The following TMEM132D variants were observed in gnomAD, a reference collection of about 807,000 sequenced individuals.
TMEM132D encodes the protein transmembrane protein 132D, also known as mature OL transmembrane protein.
In TMEM132D, 21 loss-of-function variants were observed where a neutral mutation model predicts 62.3. The ratio of observed to expected loss-of-function variants is 0.34; its 90% CI spans 0.24 to 0.49. TMEM132D has a LOEUF of 0.49. TMEM132D is among the 20% of genes least tolerant of loss of function. The pLI, the probability that TMEM132D is intolerant of heterozygous loss-of-function variation, is 0.99. For missense variants in TMEM132D, 1,346 were observed against 1,402.8 expected (o/e 0.96, Z 0.65); for synonymous variants, 621 against 575.6 (o/e 1.08, Z -1.13).
At chr12:129,083,986 G>T (rs553270509) in intron 6 of TMEM132D, among the ~76,000 whole-genome samples, 1 of 152,184 alleles carries the variant, frequency 6.6e-6, no homozygotes. Context: ...GGACTGGAGC[G>T]CAGAGAGGCA....
intron 1 of TMEM132D, among the ~76,000 whole-genome samples, chr12:129,785,258 T>G (rs952215786): frequency 2.0e-5 from 3 of 152,078 alleles, no homozygotes; most frequent in Non-Finnish European, 4.4e-5. Context: ...ATCCTCAGCC[T>G]GATGTACTCC....
chr12:129,851,844 T>A (rs921068302), intron 1 of TMEM132D, among the ~76,000 whole-genome samples: 1 of 152,240 alleles, frequency 6.6e-6, no homozygotes, highest in Non-Finnish European at 1.5e-5. Flanking sequence ...CTGCCACCAA[T>A]GTATGAGTAT....
At chr12:129,659,426 AAC>A (rs1327551220) in intron 2 of TMEM132D, among the ~76,000 whole-genome samples, 1 of 152,206 alleles carries the variant, frequency 6.6e-6, no homozygotes, top group South Asian at 2.1e-4. Flanking sequence ...GAAAACAAAA[AAC>A]AGTCACTTTC....
intron 5 of TMEM132D, among the ~76,000 whole-genome samples, chr12:129,201,819 T>C (rs1478930939): frequency 1.3e-5 from 2 of 152,078 alleles, no homozygotes; most frequent in Admixed American, 1.3e-4. Context: ...AGAGGGGATG[T>C]TCCGGTGATA....
chr12:129,722,396 C>T lies in TMEM132D; in HGVS notation c.80-21698G>A, dbSNP rs369919002. Among the ~76,000 whole-genome samples, 218 of 152,336 alleles carry T rather than the reference C, an allele frequency of 1.4e-3. 1 individual carries two copies. The highest frequency in any genetic ancestry group is 5.0e-3 in the African/African-American group (208 of 41,584). On this transcript the variant is annotated intron_variant, in intron 1 of 8. Coordinates refer to ENST00000422113, the MANE Select transcript of TMEM132D (RefSeq NM_133448.3). ...GGCCTGCTGCAAGCCCCCGTCACATCGGTGTGAAATTCCCACGGCTTTCCC... is the reference window on the plus strand; with the variant it reads ...GGCCTGCTGCAAGCCCCCGTCACATTGGTGTGAAATTCCCACGGCTTTCCC...
chr12:129,600,933 C>T (rs182898215), intron 2 of TMEM132D, among the ~76,000 whole-genome samples: 207 of 152,266 alleles, frequency 1.4e-3, no homozygotes, highest in African/African-American at 4.6e-3. Context: ...TTAAAGTCAC[C>T]AGCTGCATTA....
chr12:129,099,057 C>T (rs1293955061), intron 5 of TMEM132D, among the ~76,000 whole-genome samples: 1 of 152,164 alleles, frequency 6.6e-6, no homozygotes, highest in Non-Finnish European at 1.5e-5. Flanking sequence ...GGAAATCTGT[C>T]AACACAGCCG....
At chr12:129,556,429 G>T (rs1401940836) in intron 2 of TMEM132D, among the ~76,000 whole-genome samples, 2 of 151,966 alleles carry the variant, frequency 1.3e-5, no homozygotes, top group South Asian at 2.1e-4. Flanking sequence ...CCAGAACACT[G>T]GTTCTTATCA....
At chr12:129,746,972 C>G (rs1869803362) in intron 1 of TMEM132D, among the ~76,000 whole-genome samples, 1 of 152,182 alleles carries the variant, frequency 6.6e-6, no homozygotes, top group Admixed American at 6.5e-5. Context: ...TACAACTTCT[C>G]TGGCCCCGTC....
intron 4 of TMEM132D, among the ~76,000 whole-genome samples, chr12:129,284,559 C>T (rs774231809): frequency 3.9e-5 from 6 of 152,184 alleles, no homozygotes; most frequent in Non-Finnish European, 8.8e-5. Context: ...AATTCCATGA[C>T]AAGGTATATA....
intron 3 of TMEM132D, among the ~76,000 whole-genome samples, chr12:129,499,101 A>G (rs888569417): frequency 6.6e-6 from 1 of 152,218 alleles, no homozygotes; most frequent in African/African-American, 2.4e-5. Flanking sequence ...TAGTATAGGA[A>G]GAGAAAAAGG....
At chr12:129,511,080 T>C (rs1875483627) in intron 3 of TMEM132D, among the ~76,000 whole-genome samples, 1 of 152,178 alleles carries the variant, frequency 6.6e-6, no homozygotes, top group Admixed American at 6.5e-5. Flanking sequence ...AGCATATAGT[T>C]GGCCGAACTT....
At chr12:129,569,445 T>C (rs544941281) in intron 2 of TMEM132D, among the ~76,000 whole-genome samples, 28 of 152,270 alleles carry the variant, frequency 1.8e-4, no homozygotes, top group African/African-American at 6.7e-4. Flanking sequence ...ACCATCTCCT[T>C]GGATTTGATC....
chr12:129,647,253 T>A (rs1465182897), intron 2 of TMEM132D, among the ~76,000 whole-genome samples: 1 of 150,974 alleles, frequency 6.6e-6, no homozygotes, highest in Admixed American at 6.6e-5. Flanking sequence ...GTTTTTTTTT[T>A]TTTTTTGCAA....
intron 5 of TMEM132D, among the ~76,000 whole-genome samples, chr12:129,137,054 G>A (rs182190563): frequency 4.0e-5 from 5 of 124,840 alleles, no homozygotes; most frequent in South Asian, 2.7e-4. Flanking sequence ...TCCCATCATC[G>A]CCGTCATCAT....
intron 4 of TMEM132D, among the ~76,000 whole-genome samples, chr12:129,270,995 C>T (rs544470652): frequency 8.5e-5 from 13 of 152,280 alleles, no homozygotes; most frequent in African/African-American, 1.4e-4. Context: ...CACCCTGTGA[C>T]GGCTGCCTCA....
intron 3 of TMEM132D, among the ~76,000 whole-genome samples, chr12:129,506,982 T>A (rs749108296): frequency 2.9e-4 from 44 of 152,214 alleles, no homozygotes; most frequent in Middle Eastern, 3.4e-3. Flanking sequence ...ATATCCAGAA[T>A]CTATAACAAA....
chr12:129,476,122 G>C (rs1169610815), intron 3 of TMEM132D, among the ~76,000 whole-genome samples: 2 of 152,244 alleles, frequency 1.3e-5, no homozygotes, highest in East Asian at 1.9e-4. Context: ...CCTGCTTTCT[G>C]TCTGCTCATA....
intron 4 of TMEM132D, among the ~76,000 whole-genome samples, chr12:129,218,885 G>A (rs1380595435): frequency 6.6e-6 from 1 of 152,162 alleles, no homozygotes; most frequent in African/African-American, 2.4e-5. Context: ...CAACACAATG[G>A]TGTGTTGTCA....
Sources: gnomAD v4.1 joint callset for allele counts (sites outside exome capture counted in the v4.1 genomes callset) on GRCh38, gnomAD v4.1.1 for gene constraint, MANE v1.5 for transcripts, NCBI Gene and HGNC (gene_info 2026-07-23, HGNC 2026-07-21) for gene names.